The following CPEB3 variants were observed in gnomAD, a reference collection of about 807,000 sequenced individuals.
CPEB3 encodes cytoplasmic polyadenylation element binding protein 3.
CPEB3 carries 20 observed loss-of-function variants against 67.2 expected under a neutral mutation model. The ratio of observed to expected loss-of-function variants is 0.30; its 90% CI spans 0.21 to 0.43. CPEB3 has a LOEUF of 0.43. CPEB3 is among the 20% of genes least tolerant of loss of function. The probability of loss-of-function intolerance (pLI) is 1.00; values close to 1 mark genes in which losing one functional copy is unlikely to be tolerated. For synonymous variants in CPEB3, 376 were observed against 393.1 expected, an observed-to-expected ratio of 0.96 and a Z score of 0.51; for missense variants, 746 against 968.6, an observed-to-expected ratio of 0.77 and a Z score of 3.05.
intron 4 of CPEB3, among the ~76,000 whole-genome samples, chr10:92,145,346 C>T (rs1354970371): frequency 6.6e-6 from 1 of 152,022 alleles, no homozygotes; most frequent in Non-Finnish European, 1.5e-5. Context: ...AAGAATCATC[C>T]AGGTGGGCAT....
At chr10:92,065,291 G>GCTCA (rs1313660854) in intron 9 of CPEB3, among the ~76,000 whole-genome samples, 1 of 152,152 alleles carries the variant, frequency 6.6e-6, no homozygotes, top group Non-Finnish European at 1.5e-5. Flanking sequence ...CATGATCTTG[G>GCTCA]CTCACTGCAA....
At position 92,052,279 on chromosome 10, in the gene CPEB3, T is replaced by G. The variant is rs546768701; in HGVS notation, c.2030A>C (p.Glu677Ala). ...WASIHSRAGREFHKPLVKEGG... is the reference protein window; with the variant it reads ...WASIHSRAGRAFHKPLVKEGG... ...CTCCTTCACCAGCGGTTTGTGGAAC[T>G]CCCGCCCGGCTCGGGAATGTATGCT... is the stretch of plus-strand genomic sequence containing the variant. Residue 677 changes from glutamate (E) to alanine (A), a missense_variant, in exon 10 of 10, where the codon GAG becomes GCG. Physicochemically the swap from Glu to Ala is moderately radical, Grantham distance 107 (BLOSUM62 -1). Transcript: ENST00000265997. 1 of 1,614,080 alleles carries G rather than the reference T, an allele frequency of 6.2e-7. No homozygotes were observed. Among genetic ancestry groups the G allele is most frequent in the African/African-American group, 1.3e-5 (1 of 75,006 alleles).
chr10:92,183,188 T>C (rs1848539189), intron 3 of CPEB3, among the ~76,000 whole-genome samples: 1 of 152,200 alleles, frequency 6.6e-6, no homozygotes. Flanking sequence ...AAAAGAACCA[T>C]CTATTTTTTA....
At chr10:92,250,124 G>C (rs975098705) in intron 1 of CPEB3, among the ~76,000 whole-genome samples, 2 of 151,644 alleles carry the variant, frequency 1.3e-5, no homozygotes, top group African/African-American at 2.4e-5. Flanking sequence ...GTCTTGCTCT[G>C]TCGCCCAGGC....
intron 3 of CPEB3, among the ~76,000 whole-genome samples, chr10:92,181,906 A>C (rs1274161743): frequency 2.6e-5 from 4 of 152,246 alleles, no homozygotes; most frequent in Admixed American, 2.6e-4. Context: ...CAAGAATGGA[A>C]GATGCAGACA....
chr10:92,073,499 T>G, intron 9 of CPEB3, among the ~76,000 whole-genome samples: 1 of 152,116 alleles, frequency 6.6e-6, no homozygotes, highest in East Asian at 1.9e-4. Flanking sequence ...AGTTCAGTGG[T>G]GCAGTCATAG....
At chr10:92,059,493 G>C (rs867760116) in intron 9 of CPEB3, among the ~76,000 whole-genome samples, 1 of 152,076 alleles carries the variant, frequency 6.6e-6, no homozygotes, top group African/African-American at 2.4e-5. Flanking sequence ...GCAGTACTAA[G>C]AGGAAAGTTT....
intron 1 of CPEB3, among the ~76,000 whole-genome samples, chr10:92,278,723 C>A (rs1842116062): frequency 6.6e-6 from 1 of 151,634 alleles, no homozygotes. Flanking sequence ...GGCTCAGCCT[C>A]CTAAGTAGCT....
intron 1 of CPEB3, among the ~76,000 whole-genome samples, chr10:92,283,987 C>CA (rs1218434196): frequency 6.7e-6 from 1 of 150,148 alleles, no homozygotes. Flanking sequence ...CTCAGCCTCC[C>CA]AAGTGCTGGG....
intron 3 of CPEB3, among the ~76,000 whole-genome samples, chr10:92,189,456 C>G (rs1251692960): frequency 2.0e-5 from 3 of 152,144 alleles, no homozygotes; most frequent in Admixed American, 1.3e-4. Context: ...GATCTTCGCA[C>G]TCACTCTATG....
intron 2 of CPEB3, among the ~76,000 whole-genome samples, chr10:92,218,315 G>T (rs565062191): frequency 6.6e-6 from 1 of 152,194 alleles, no homozygotes; most frequent in Non-Finnish European, 1.5e-5. Flanking sequence ...GCTAAGGCAG[G>T]AGAATCGCCT....
At chr10:92,290,105 A>G (rs975209602) in intron 1 of CPEB3, among the ~76,000 whole-genome samples, 1 of 152,026 alleles carries the variant, frequency 6.6e-6, no homozygotes, top group African/African-American at 2.4e-5. Context: ...CTACATATAA[A>G]AAGAGCTTTA....
rs1845486042 is a variant in CPEB3 at position 92,123,554 on chromosome 10, T to C, written c.1454-12360A>G. Among the ~76,000 whole-genome samples, 5 of 152,190 alleles carry C rather than the reference T, an allele frequency of 3.3e-5. No individual in the cohort carries two copies. The South Asian group carries it at 1.0e-3, about 32-fold the overall frequency. On this transcript the variant is annotated intron_variant, in intron 6 of 9. Transcript: ENST00000265997. Reference sequence around the variant, plus strand: ...GTTAAATTACTTGCTCAATGTCATATAGCTAGTAAATGCTGATGCCCACAT... The same window carrying C: ...GTTAAATTACTTGCTCAATGTCATACAGCTAGTAAATGCTGATGCCCACAT...
At chr10:92,240,967 T>C (rs1425668482) in intron 1 of CPEB3, among the ~76,000 whole-genome samples, 4 of 152,226 alleles carry the variant, frequency 2.6e-5, no homozygotes, top group Admixed American at 6.5e-5. Context: ...GGAGGAATCC[T>C]TGGCATTTGT....
In CPEB3 at chr10:92,047,260, A is replaced by G. The variant is rs1348354373; in HGVS notation, c.*4952T>C. 1.5e-5 allele frequency: 2 copies of G among 132,934 alleles called. No homozygotes were observed. The highest frequency in any genetic ancestry group is 4.9e-5 in the African/African-American group (2 of 40,686). 8.2% of individuals were successfully genotyped at this position (132,934 alleles called of 1,614,324 possible). On this transcript the variant is annotated 3_prime_UTR_variant, in exon 10 of 10. Coordinates refer to ENST00000265997, the MANE Select transcript of CPEB3 (RefSeq NM_014912.5). ...TGAGATAGAGAAGTTTGGTTATTAT[A>G]AAAGAAAAAAAAAAACAAATGTTAG...
intron 3 of CPEB3, among the ~76,000 whole-genome samples, chr10:92,188,975 G>T (rs1848830001): frequency 1.3e-5 from 2 of 152,080 alleles, no homozygotes; most frequent in South Asian, 4.1e-4. Context: ...TACTAAAACA[G>T]AAGTCTCATT....
chr10:92,125,246 CT>C (rs1267104488), intron 6 of CPEB3, among the ~76,000 whole-genome samples: 2 of 152,230 alleles, frequency 1.3e-5, no homozygotes, highest in Admixed American at 1.3e-4. Flanking sequence ...CCCTGTGCCC[CT>C]AGACTGCTGA....
chr10:92,088,965 C>T (rs1004341046), intron 8 of CPEB3, among the ~76,000 whole-genome samples: 1 of 152,146 alleles, frequency 6.6e-6, no homozygotes, highest in African/African-American at 2.4e-5. Context: ...ATTCTATAAA[C>T]ACATTTGTTT....
At chr10:92,205,602 G>C (rs1417928834) in intron 2 of CPEB3, among the ~76,000 whole-genome samples, 1 of 149,502 alleles carries the variant, frequency 6.7e-6, no homozygotes, top group African/African-American at 2.5e-5. Flanking sequence ...TCAGCCTCCT[G>C]AGTAGCTGGG....
Sources: gnomAD v4.1 joint callset for allele counts (sites outside exome capture counted in the v4.1 genomes callset) on GRCh38, gnomAD v4.1.1 for gene constraint, MANE v1.5 for transcripts, NCBI Gene and HGNC (gene_info 2026-07-23, HGNC 2026-07-21) for gene names.